The following SPDEF variants were observed in gnomAD, a reference collection of about 807,000 sequenced individuals.
The protein encoded by SPDEF is SAM pointed domain containing ETS transcription factor, also known as SAM pointed domain-containing Ets transcription factor.
In SPDEF, 12 loss-of-function variants were observed where a neutral mutation model predicts 36.0. The observed-to-expected ratio is 0.33, with a 90% CI of 0.21 to 0.54. The LOEUF (loss-of-function observed/expected upper bound fraction) is 0.54. SPDEF is among the 20% of genes least tolerant of loss of function. The probability of loss-of-function intolerance (pLI) is 0.93; values close to 1 mark genes in which losing one functional copy is unlikely to be tolerated. For missense variants in SPDEF, 388 were observed against 456.9 expected (o/e 0.85, Z 1.37); for synonymous variants, 205 against 193.0 (o/e 1.06, Z -0.51).
chr6:34,539,134 G>T lies in SPDEF; in HGVS notation c.829+116C>A. 3 of 1,230,660 alleles carry T rather than the reference G, an allele frequency of 2.4e-6. No homozygotes were observed. The Admixed American group carries it at 6.1e-5, about 25-fold the overall frequency. The allele number at this position is 1,230,660 out of a possible 1,614,324, so 76.2% of individuals were successfully genotyped here. The stretch of plus-strand genomic sequence containing the variant: ...TGCATATTTGGCATCTAGGACAAAG[G>T]TGGGGATCAGCTTCACCCCTCTGCC... On this transcript the variant is annotated intron_variant, in intron 5 of 5. Transcript: ENST00000374037. This position sits in a 1 kb window ranked among gnomAD's most constrained non-coding sequence, Gnocchi z 5.2.
intron 1 of SPDEF, among the ~76,000 whole-genome samples, chr6:34,545,990 C>T (rs112631880): frequency 0.011 from 1,722 of 152,018 alleles, 44 homozygotes; most frequent in East Asian, 0.096. Context: ...AACAGATATA[C>T]GCTCCTAATA....
rs767887000 is a variant in SPDEF at position 34,538,283 on chromosome 6, G to T, written c.999C>A (p.His333Gln). The T allele has an allele frequency of 3.7e-6, 6 of 1,613,698 alleles. No individual in the cohort carries two copies. The highest frequency in any genetic ancestry group is 1.7e-5 in the Admixed American group (1 of 60,010). The change falls in exon 6 of 6, where the codon CAC becomes CAA. Residue 333 changes from histidine (H) to glutamine (Q), a missense_variant. Around this residue, in one of 2 missense-constraint regions of SPDEF, gnomAD observed 80 missense variants for 130.8 expected, o/e 0.61. Transcript: ENST00000374037. This position sits in a 1 kb window ranked among gnomAD's most constrained non-coding sequence, Gnocchi z 5.9. ...GCCCTGGGCCAGGCACTCAGATGGG[G>T]TGCACGAACTGGTAGACGAGGCGCT... ...ISQRLVYQFV[H>Q]PI is the part of the protein sequence containing the mutation.
Position 34,548,828 on chromosome 6 carries a change from C to T in SPDEF, c.-29-4344G>A, listed in dbSNP as rs545115603. On this transcript the variant is annotated intron_variant, in intron 1 of 5. Coordinates refer to ENST00000374037, the MANE Select transcript of SPDEF (RefSeq NM_012391.3). ...CCCTCCTGCGACTTCCTAGGCTCGC[C>T]TCATCTGTGCCATGCAATTCAGCCC... Among the ~76,000 whole-genome samples the T allele has an allele frequency of 2.1e-3, 317 of 152,354 alleles. 1 individual carries two copies. The highest frequency in any genetic ancestry group is 7.1e-3 in the African/African-American group (295 of 41,578).
chr6:34,541,099 C>G lies in SPDEF; in HGVS notation c.519G>C (p.Lys173Asn). The change falls in exon 3 of 6, where the codon AAG (lysine) becomes AAC (asparagine). Residue 173 changes from lysine to asparagine, a missense_variant. Transcript: ENST00000374037. ...CCTTGCCCGCCAGCTCCTGGAAGGC[C>G]TTGCCCATGGGGGGCAGCCGGTATT... ...EHQYRLPPMG[K>N]AFQELAGKEL... The G allele has an allele frequency of 6.2e-7, 1 of 1,611,122 alleles. No homozygotes were observed.
At position 34,538,652 on chromosome 6, in the gene SPDEF, A is replaced by C. The variant is rs1561975724; in HGVS notation, c.830-200T>G. ...GCGGTGAGGTTAAAGAGACGTGTGC[A>C]AAGCAGGTGCCACAGGCCCCAGTGA... On this transcript the variant is annotated intron_variant, in intron 5 of 5. Transcript: ENST00000374037. The surrounding 1 kb of genome is among the most constrained non-coding windows in gnomAD (Gnocchi z 5.9). Among the ~76,000 whole-genome samples, 1 of 152,296 alleles carries C rather than the reference A, an allele frequency of 6.6e-6. No individual in the cohort carries two copies. The highest frequency in any genetic ancestry group is 1.5e-5 in the Non-Finnish European group (1 of 68,024).
chr6:34,545,839 C>A (rs535880092), intron 1 of SPDEF, among the ~76,000 whole-genome samples: 12 of 152,092 alleles, frequency 7.9e-5, no homozygotes, highest in South Asian at 4.2e-4. Flanking sequence ...TCACTTGAAC[C>A]CAGGAGGCGG....
chr6:34,549,738 G>T (rs956282043), intron 1 of SPDEF, among the ~76,000 whole-genome samples: 4 of 152,146 alleles, frequency 2.6e-5, no homozygotes, highest in Admixed American at 6.5e-5. Flanking sequence ...ATGCCAGCCC[G>T]CCCAGAGCCC....
At chr6:34,545,812 AG>A in intron 1 of SPDEF, among the ~76,000 whole-genome samples, 1 of 152,044 alleles carries the variant, frequency 6.6e-6, no homozygotes, top group Non-Finnish European at 1.5e-5. Context: ...GCTACTCGGG[AG>A]GCTGAGGGAG....
chr6:34,539,946 A>C lies in SPDEF; in HGVS notation c.635-384T>G, dbSNP rs1249271413. On this transcript the variant is annotated intron_variant, in intron 3 of 5. Transcript: ENST00000374037. The surrounding 1 kb of genome is among the most constrained non-coding windows in gnomAD (Gnocchi z 5.2). ...AAGCACCTGGCCCTGTGCAGGCAGCAGTGGGTGCCCACTGAGATCAAGACA... is the reference window on the plus strand; with the variant it reads ...AAGCACCTGGCCCTGTGCAGGCAGCCGTGGGTGCCCACTGAGATCAAGACA... 6.6e-6 allele frequency among the ~76,000 whole-genome samples: 1 copy of C among 152,220 alleles called. No individual in the cohort carries two copies. The highest frequency in any genetic ancestry group is 2.4e-5 in the African/African-American group (1 of 41,464).
chr6:34,541,680 C>G (rs1451551634), intron 2 of SPDEF, among the ~76,000 whole-genome samples: 1 of 152,266 alleles, frequency 6.6e-6, no homozygotes, highest in Admixed American at 6.5e-5. Context: ...GCACAGGGCA[C>G]TCCATCCCCT....
At chr6:34,543,936 T>A (rs1767883422) in intron 2 of SPDEF, 84 bp downstream of exon 2, 1 of 1,395,886 alleles carries the variant, frequency 7.2e-7, no homozygotes, top group Non-Finnish European at 9.8e-7. Context: ...CCAGAGTCCA[T>A]CCAGCAGTGC....
chr6:34,548,036 G>A (rs557848173), intron 1 of SPDEF, among the ~76,000 whole-genome samples: 28 of 152,270 alleles, frequency 1.8e-4, no homozygotes, highest in East Asian at 3.9e-4. Flanking sequence ...GCAACTAGGC[G>A]TCTCAAGGTT....
Position 34,537,970 on chromosome 6 carries a change from T to C in SPDEF, c.*304A>G. On this transcript the variant is annotated 3_prime_UTR_variant, in exon 6 of 6. Coordinates refer to ENST00000374037, the MANE Select transcript of SPDEF (RefSeq NM_012391.3). ...TGTGGCCTTTGTCGAGTCACTGCCC[T>C]TCTGTAGGCTCTGCTCTGGAAATGC... 1 of 323,066 alleles carries C rather than the reference T, an allele frequency of 3.1e-6. No homozygotes were observed. The highest frequency in any genetic ancestry group is 6.7e-5 in the South Asian group (1 of 14,816). The allele number at this position is 323,066 out of a possible 1,614,324, so 20.0% of individuals were successfully genotyped here. A position where few individuals can be genotyped will look rare whatever the true frequency, so the allele number is the denominator to read the frequency against.
Position 34,541,163 on chromosome 6 carries a change from G to C in SPDEF, c.455C>G (p.Pro152Arg). The change falls in exon 3 of 6, where the codon CCC becomes CGC. Residue 152 changes from proline to arginine, a missense_variant. Pro to Arg is a moderately radical substitution (Grantham distance 103). This residue lies in a region of SPDEF where 308 missense variants were observed against 326.1 expected (regional missense o/e 0.94). Coordinates refer to ENST00000374037, the MANE Select transcript of SPDEF (RefSeq NM_012391.3). ...CAGGAGCCACTTCTGCACATTGCTGGGGCTCCAGTCCATGGGATCTGGGCA... is the reference window on the plus strand; with the variant it reads ...CAGGAGCCACTTCTGCACATTGCTGCGGCTCCAGTCCATGGGATCTGGGCA... Reference protein sequence around the residue: ...NITADPMDWSPSNVQKWLLWT... With the variant: ...NITADPMDWSRSNVQKWLLWT... The C allele has an allele frequency of 1.2e-6, 2 of 1,604,736 alleles. No individual in the cohort carries two copies. The highest frequency in any genetic ancestry group is 8.5e-7 in the Non-Finnish European group (1 of 1,175,604).
At chr6:34,540,137 C>A (rs1235817897) in intron 3 of SPDEF, among the ~76,000 whole-genome samples, 1 of 151,936 alleles carries the variant, frequency 6.6e-6, no homozygotes, top group Non-Finnish European at 1.5e-5. Context: ...CCCGTCTCTA[C>A]CAAAAAATAC....
At position 34,552,496 on chromosome 6, in the gene SPDEF, T is replaced by C. The variant is rs1284852870; in HGVS notation, c.-30+3433A>G. ...GAAGGCTTCACTGTCTCCCGAGAGG[T>C]GTGTGTCCACAGTGGTGACTGCTGT... On this transcript the variant is annotated intron_variant, in intron 1 of 5. Transcript: ENST00000374037. The surrounding 1 kb of genome is among the most constrained non-coding windows in gnomAD (Gnocchi z 4.6). Among the ~76,000 whole-genome samples the C allele has an allele frequency of 6.6e-6, 1 of 152,066 alleles. No homozygotes were observed. Among genetic ancestry groups the C allele is most frequent in the East Asian group, 1.9e-4 (1 of 5,174 alleles).
At chr6:34,548,296 C>T (rs538757466) in intron 1 of SPDEF, among the ~76,000 whole-genome samples, 5 of 152,290 alleles carry the variant, frequency 3.3e-5, no homozygotes, top group South Asian at 2.1e-4. Context: ...GAGGTGCATG[C>T]TCTGGCCAGT....
intron 1 of SPDEF, among the ~76,000 whole-genome samples, chr6:34,554,174 A>C (rs1285607476): frequency 1.3e-5 from 2 of 152,076 alleles, no homozygotes; most frequent in African/African-American, 4.8e-5. Flanking sequence ...CCCCTGTCAG[A>C]CTAAATTAAC....
At chr6:34,553,534 T>C (rs1029426718) in intron 1 of SPDEF, among the ~76,000 whole-genome samples, 2 of 152,066 alleles carry the variant, frequency 1.3e-5, no homozygotes, top group African/African-American at 4.8e-5. Flanking sequence ...TCATTTTTCT[T>C]GTCTGTTAAA....
Sources: allele counts gnomAD v4.1 joint callset (sites outside exome capture counted in the v4.1 genomes callset), GRCh38; gene constraint gnomAD v4.1.1; regional missense constraint gnomAD v4.1.1; non-coding constraint Gnocchi (gnomAD v3.1); transcripts MANE v1.5; gene names NCBI Gene and HGNC (gene_info 2026-07-23, HGNC 2026-07-21).